The following CPNE4 variants were observed in gnomAD, a reference collection of about 807,000 sequenced individuals.
CPNE4 encodes the protein copine 4, also known as copine-4.
A neutral mutation model predicts 67.9 loss-of-function variants in CPNE4; 25 were observed. The observed-to-expected ratio is 0.37, with a 90% CI of 0.27 to 0.51. CPNE4 has a LOEUF of 0.51. Among genes scored for constraint, CPNE4 ranks in the 20% least tolerant of loss-of-function variants. CPNE4 has a pLI of 0.93. For missense variants in CPNE4, 464 were observed against 690.8 expected, an observed-to-expected ratio of 0.67 and a Z score of 3.68; for synonymous variants, 242 against 244.9, an observed-to-expected ratio of 0.99 and a Z score of 0.11.
At chr3:131,551,565 G>GA (rs1207465804) in intron 13 of CPNE4, among the ~76,000 whole-genome samples, 2 of 151,946 alleles carry the variant, frequency 1.3e-5, no homozygotes, top group Admixed American at 1.3e-4. Context: ...TACATTAGTG[G>GA]AAAAAATGGC....
chr3:132,008,554 C>T (rs577196400), intron 1 of CPNE4, among the ~76,000 whole-genome samples: 6 of 152,072 alleles, frequency 3.9e-5, no homozygotes, highest in Non-Finnish European at 7.4e-5. Context: ...TGGCCAGAAG[C>T]CCCATGATGT....
At chr3:132,004,782 C>T (rs4854866) in intron 1 of CPNE4, among the ~76,000 whole-genome samples, 118,787 of 152,010 alleles carry the variant, frequency 0.78, 47,385 homozygotes, top group South Asian at 0.89. Context: ...CATTTGGAAA[C>T]GAATGTAATA....
chr3:131,726,726 C>CGGG (rs373850517), intron 2 of CPNE4, among the ~76,000 whole-genome samples: 24 of 31,098 alleles, frequency 7.7e-4, no homozygotes, highest in African/African-American at 2.2e-3. Context: ...CTGGGGGGGG[C>CGGG]GGGGGGGCTT....
intron 6 of CPNE4, among the ~76,000 whole-genome samples, chr3:131,675,558 T>C (rs148360889): frequency 6.6e-6 from 1 of 152,282 alleles, no homozygotes; most frequent in African/African-American, 2.4e-5. Context: ...TTGATCATTA[T>C]ATAATTTTTT....
At chr3:131,553,296 GT>G (rs892285248) in intron 12 of CPNE4, among the ~76,000 whole-genome samples, 4 of 152,046 alleles carry the variant, frequency 2.6e-5, no homozygotes, top group Admixed American at 6.6e-5. Context: ...AAAGACACCT[GT>G]TTTCTTAGTG....
At chr3:131,747,542 T>TA (rs36086977) in intron 2 of CPNE4, among the ~76,000 whole-genome samples, 45,648 of 150,520 alleles carry the variant, frequency 0.3, 8,481 homozygotes, top group Non-Finnish European at 0.41. Flanking sequence ...GGTTTCCACT[T>TA]AAAAAAAAAA....
chr3:131,813,705 A>G (rs1036773059), intron 2 of CPNE4, among the ~76,000 whole-genome samples: 4 of 152,134 alleles, frequency 2.6e-5, no homozygotes, highest in African/African-American at 9.7e-5. Flanking sequence ...TCATTTTTAA[A>G]TAGAAATATC....
chr3:131,978,468 T>TTATATATTTA (rs1466181166), intron 1 of CPNE4, among the ~76,000 whole-genome samples: 2 of 20,426 alleles, frequency 9.8e-5, no homozygotes, highest in African/African-American at 7.3e-4. Context: ...TTATATATAT[T>TTATATATTTA]TATATATTTA....
intron 1 of CPNE4, among the ~76,000 whole-genome samples, chr3:131,956,599 GA>G (rs11317136): frequency 0.54 from 81,648 of 151,704 alleles, 22,772 homozygotes; most frequent in Admixed American, 0.68. Flanking sequence ...GTATATGTAT[GA>G]ATTAAAGTTC....
At chr3:131,585,197 G>A (rs1452583051) in intron 8 of CPNE4, among the ~76,000 whole-genome samples, 3 of 152,102 alleles carry the variant, frequency 2.0e-5, no homozygotes, top group African/African-American at 7.2e-5. Context: ...TTTTGTAATA[G>A]CATTTGTCAC....
At chr3:131,699,113 C>T (rs6770304) in intron 4 of CPNE4, among the ~76,000 whole-genome samples, 2,114 of 152,274 alleles carry the variant, frequency 0.014, 50 homozygotes, top group African/African-American at 0.048. Flanking sequence ...ACAACATCCT[C>T]TACCTTTTTC....
intron 2 of CPNE4, among the ~76,000 whole-genome samples, chr3:131,786,198 C>T (rs1386888407): frequency 1.3e-5 from 2 of 152,100 alleles, no homozygotes; most frequent in Non-Finnish European, 2.9e-5. Context: ...TTCTTCATTT[C>T]TGGCACCGAG....
At chr3:132,005,746 C>T (rs2073583645) in intron 1 of CPNE4, among the ~76,000 whole-genome samples, 1 of 151,706 alleles carries the variant, frequency 6.6e-6, no homozygotes, top group South Asian at 2.1e-4. Context: ...ATAAAAAAGA[C>T]AGCCCTCCAT....
chr3:131,618,190 C>T (rs1366495232), intron 7 of CPNE4, among the ~76,000 whole-genome samples: 1 of 152,026 alleles, frequency 6.6e-6, no homozygotes, highest in Non-Finnish European at 1.5e-5. Flanking sequence ...GGAGTGAATA[C>T]TGGGGTAGTT....
At chr3:131,701,575 A>G (rs1270097268) in intron 3 of CPNE4, among the ~76,000 whole-genome samples, 2 of 152,208 alleles carry the variant, frequency 1.3e-5, no homozygotes, top group Non-Finnish European at 2.9e-5. Flanking sequence ...GGAGGAAGCT[A>G]GCTGACAGAT....
intron 1 of CPNE4, among the ~76,000 whole-genome samples, chr3:132,013,082 G>A (rs1239776958): frequency 6.6e-6 from 1 of 152,140 alleles, no homozygotes; most frequent in Non-Finnish European, 1.5e-5. Context: ...AATTAGCCAG[G>A]CATAGGGGTG....
intron 11 of CPNE4, among the ~76,000 whole-genome samples, chr3:131,559,135 G>A (rs1380752134): frequency 6.6e-6 from 1 of 152,000 alleles, no homozygotes; most frequent in African/African-American, 2.4e-5. Context: ...TAGTTGCCAA[G>A]TTTTGCTTTA....
chr3:132,037,757 A>G, upstream of CPNE4: 1 of 617,956 alleles, frequency 1.6e-6, no homozygotes, highest in African/African-American at 1.8e-5. Flanking sequence ...TCTTATGCCA[A>G]TATGAAAGGC....
At chr3:131,801,391 C>CATAT (rs139775707) in intron 2 of CPNE4, among the ~76,000 whole-genome samples, 17 of 84,148 alleles carry the variant, frequency 2.0e-4, no homozygotes, top group Admixed American at 6.4e-4. Context: ...ATATATGGTA[C>CATAT]ATATATATAT....
Sources: gnomAD v4.1 joint callset for allele counts (sites outside exome capture counted in the v4.1 genomes callset) on GRCh38, gnomAD v4.1.1 for gene constraint, MANE v1.5 for transcripts, NCBI Gene and HGNC (gene_info 2026-07-23, HGNC 2026-07-21) for gene names.